The following FANK1 variants were observed in gnomAD, a reference collection of about 807,000 sequenced individuals.
FANK1 encodes fibronectin type 3 and ankyrin repeat domains protein 1.
In FANK1, 44 loss-of-function variants were observed where a neutral mutation model predicts 45.3. The ratio of observed to expected loss-of-function variants is 0.97; its 90% confidence interval spans 0.76 to 1.25. The LOEUF is 1.25. Among genes scored for constraint, FANK1 ranks in the 50% most tolerant of loss-of-function variants. The pLI is 0.00. For synonymous variants in FANK1, 149 were observed against 152.5 expected (o/e 0.98, Z 0.17); for missense variants, 391 against 424.4 (o/e 0.92, Z 0.69).
intron 3 of FANK1, among the ~76,000 whole-genome samples, chr10:125,993,484 C>T (rs1379409958): frequency 2.0e-5 from 3 of 152,174 alleles, no homozygotes; most frequent in African/African-American, 7.2e-5. Flanking sequence ...TGGATGGTTC[C>T]TTGTGGTGTC....
At chr10:125,994,508 C>T (rs1486262047) in intron 3 of FANK1, 12 of 985,212 alleles carry the variant, frequency 1.2e-5, no homozygotes, top group Admixed American at 1.2e-4. Context: ...GGGCTGTATC[C>T]ACTGACGATG....
chr10:125,923,066 A>G (rs1947057419), intron 1 of FANK1, among the ~76,000 whole-genome samples: 1 of 151,448 alleles, frequency 6.6e-6, no homozygotes, highest in Non-Finnish European at 1.5e-5. Flanking sequence ...GGGCCTGGAA[A>G]TTTCTTTATG....
rs553429172 is a variant in FANK1, at chr10:125,915,472, CTG to C, written c.13+18819_13+18820del. ...TATAAACAAGAATCATTTGCGTTAT[CTG>C]TTCTTTTCAACTTCACATACCATAA... On this transcript the variant is annotated intron_variant, in intron 1 of 10. Coordinates refer to ENST00000368693, the MANE Select transcript of FANK1 (RefSeq NM_145235.5). Among the ~76,000 whole-genome samples, 50 of 152,320 alleles carry C rather than the reference CTG, an allele frequency of 3.3e-4. No homozygotes were observed. The East Asian group carries it at 9.7e-3, about 29-fold the overall frequency.
chr10:125,910,312 T>C (rs1945888533), intron 1 of FANK1, among the ~76,000 whole-genome samples: 1 of 152,204 alleles, frequency 6.6e-6, no homozygotes, highest in Non-Finnish European at 1.5e-5. Context: ...TTTTACACTT[T>C]GTTTTCTTTT....
At position 125,912,467 on chromosome 10, in the gene FANK1, TGTGTGTGTGTGTGTGTGTG is replaced by T. The variant is rs1946099340; in HGVS notation, c.13+15813_13+15831del. 2.7e-5 allele frequency among the ~76,000 whole-genome samples: 4 copies of T among 150,916 alleles called. No individual in the cohort carries two copies. The South Asian group carries it at 6.3e-4, about 24-fold the overall frequency. On this transcript the variant is annotated intron_variant, in intron 1 of 10. Coordinates refer to ENST00000368693, the MANE Select transcript of FANK1 (RefSeq NM_145235.5). Reference sequence around the variant, plus strand: ...AAGTGTGTGTGTGTGTGTGTGTGTGTGTGTGTGTGTGTGTGTGTGTTTTTGAGATTAAAACTTTAGGGAA... The same window carrying T: ...AAGTGTGTGTGTGTGTGTGTGTGTGTTTTTTGAGATTAAAACTTTAGGGAA...
At chr10:125,931,616 G>C (rs971507009) in intron 1 of FANK1, among the ~76,000 whole-genome samples, 5 of 152,056 alleles carry the variant, frequency 3.3e-5, no homozygotes, top group African/African-American at 1.2e-4. Flanking sequence ...TTAGTCCTTC[G>C]TCAGATGTAT....
intron 1 of FANK1, among the ~76,000 whole-genome samples, chr10:125,922,324 A>T (rs1417534105): frequency 6.6e-6 from 1 of 152,234 alleles, no homozygotes; most frequent in African/African-American, 2.4e-5. Context: ...GACCCAGAAT[A>T]TGATCTCTCA....
intron 3 of FANK1, among the ~76,000 whole-genome samples, chr10:125,993,918 G>C (rs1952117543): frequency 1.3e-5 from 2 of 152,188 alleles, no homozygotes; most frequent in African/African-American, 4.8e-5. Context: ...GATCCTTCTG[G>C]TAGAAATCCT....
chr10:125,935,428 T>A (rs960571363), intron 1 of FANK1, among the ~76,000 whole-genome samples: 9 of 152,198 alleles, frequency 5.9e-5, no homozygotes, highest in Admixed American at 3.3e-4. Flanking sequence ...ACTTCCTAGT[T>A]GCCAGGTGGT....
chr10:125,942,743 G>T (rs1948530559), intron 1 of FANK1, among the ~76,000 whole-genome samples: 1 of 150,136 alleles, frequency 6.7e-6, no homozygotes. Context: ...AAGCTTATTT[G>T]CTACTTCTAT....
intron 1 of FANK1, among the ~76,000 whole-genome samples, chr10:125,956,370 C>T (rs1949579892): frequency 6.6e-6 from 1 of 152,150 alleles, no homozygotes; most frequent in Non-Finnish European, 1.5e-5. Flanking sequence ...TTGGAGATAT[C>T]CCTTGCCTCC....
chr10:125,969,965 T>G (rs1950394799), intron 1 of FANK1, among the ~76,000 whole-genome samples: 1 of 152,224 alleles, frequency 6.6e-6, no homozygotes, highest in African/African-American at 2.4e-5. Context: ...ATTAACAGCA[T>G]CCCAAGGCAG....
intron 6 of FANK1, chr10:126,004,033 T>C (rs930454592): frequency 6.6e-6 from 1 of 152,112 alleles, no homozygotes; most frequent in African/African-American, 2.4e-5. Context: ...CCTGAATCAA[T>C]TATTTAATTG....
At chr10:125,925,416 T>C (rs1947278931) in intron 1 of FANK1, among the ~76,000 whole-genome samples, 1 of 152,196 alleles carries the variant, frequency 6.6e-6, no homozygotes. Flanking sequence ...TGTATGTGTG[T>C]ATTTTTTTCC....
In FANK1 at chr10:125,997,567, TC is replaced by T. The variant is rs1384518565; in HGVS notation, c.539+83del. ...GCTTGTGCCCAGAGGGGTTGTGATT[TC>T]ACCAAAACATTGTCTTGAGTTTGAC... On this transcript the variant is annotated intron_variant, in intron 6 of 10. Coordinates refer to ENST00000368693, the MANE Select transcript of FANK1 (RefSeq NM_145235.5). The T allele has an allele frequency of 2.3e-6, 3 of 1,291,112 alleles. No homozygotes were observed. The East Asian group carries it at 7.1e-5, about 30-fold the overall frequency. 80.0% of individuals were successfully genotyped at this position (1,291,112 alleles called of 1,614,324 possible).
intron 1 of FANK1, among the ~76,000 whole-genome samples, chr10:125,918,774 A>T (rs544103340): frequency 5.1e-4 from 77 of 151,666 alleles, no homozygotes; most frequent in African/African-American, 1.8e-3. Flanking sequence ...GCTCAGAAAG[A>T]TTATTTATTT....
intron 1 of FANK1, among the ~76,000 whole-genome samples, chr10:125,937,235 C>T (rs1295427902): frequency 6.6e-6 from 1 of 152,138 alleles, no homozygotes; most frequent in South Asian, 2.1e-4. Flanking sequence ...TGTTCAAGGT[C>T]GTGACTTATA....
chr10:125,994,168 TG>T (rs1952139313), intron 3 of FANK1, among the ~76,000 whole-genome samples: 2 of 64,664 alleles, frequency 3.1e-5, no homozygotes, highest in African/African-American at 1.2e-4. Context: ...TGGGGGAGGA[TG>T]GGGTAAGAGG....
chr10:125,993,326 C>T (rs12413797), intron 3 of FANK1, among the ~76,000 whole-genome samples: 1 of 152,144 alleles, frequency 6.6e-6, no homozygotes, highest in Non-Finnish European at 1.5e-5. Flanking sequence ...AAACATACCA[C>T]TTTTCTTCTC....
Sources: allele counts gnomAD v4.1 joint callset (sites outside exome capture counted in the v4.1 genomes callset), GRCh38; gene constraint gnomAD v4.1.1; transcripts MANE v1.5; gene names NCBI Gene and HGNC (gene_info 2026-07-23, HGNC 2026-07-21).